Variants in OPN3 observed in about 807,000 individuals in gnomAD.
OPN3 encodes opsin-3.
OPN3 carries 29 observed loss-of-function variants against 33.8 expected under a neutral mutation model. The ratio of observed to expected loss-of-function variants is 0.86; its 90% CI spans 0.64 to 1.17. The LOEUF (loss-of-function observed/expected upper bound fraction) is 1.17, where lower values mean the gene tolerates loss of function less well. OPN3 is among the 50% of genes most tolerant of loss of function. OPN3 has a pLI of 0.00. For synonymous variants in OPN3, 216 were observed against 216.1 expected (o/e 1.00, Z 0.00); for missense variants, 437 against 514.1 (o/e 0.85, Z 1.45).
At chr1:241,638,142 T>C (rs1314127762) in intron 1 of OPN3, among the ~76,000 whole-genome samples, 1 of 152,150 alleles carries the variant, frequency 6.6e-6, no homozygotes, top group South Asian at 2.1e-4. Flanking sequence ...CACCTCTACA[T>C]TAAAAACAGG....
intron 1 of OPN3, among the ~76,000 whole-genome samples, chr1:241,615,460 T>C (rs564704996): frequency 2.6e-5 from 4 of 152,194 alleles, no homozygotes; most frequent in South Asian, 2.1e-4. Flanking sequence ...GAACACATTG[T>C]TTTGCTTAGT....
chr1:241,604,825 G>GT (rs2148001279), intron 1 of OPN3, among the ~76,000 whole-genome samples: 1 of 152,242 alleles, frequency 6.6e-6, no homozygotes, highest in African/African-American at 2.4e-5. Flanking sequence ...GGAGGCTGAG[G>GT]TGGGAGGATT....
chr1:241,625,464 T>C (rs772169304), intron 1 of OPN3, among the ~76,000 whole-genome samples: 1 of 152,240 alleles, frequency 6.6e-6, no homozygotes, highest in African/African-American at 2.4e-5. Flanking sequence ...CTCATTTCTA[T>C]TAATATAATT....
chr1:241,610,662 A>G (rs1663966571), intron 1 of OPN3, among the ~76,000 whole-genome samples: 1 of 152,236 alleles, frequency 6.6e-6, no homozygotes, highest in Admixed American at 6.5e-5. Flanking sequence ...AGACAATAAG[A>G]AAAAAAGATG....
intron 3 of OPN3, chr1:241,595,029 T>C (rs542482062): frequency 2.8e-4 from 56 of 199,490 alleles, no homozygotes; most frequent in South Asian, 9.3e-4. Context: ...GGGCATCTAC[T>C]AGGTGACAGC....
intron 2 of OPN3, among the ~76,000 whole-genome samples, chr1:241,598,522 C>G (rs1444738031): frequency 6.6e-6 from 1 of 152,180 alleles, no homozygotes; most frequent in Admixed American, 6.5e-5. Context: ...CAATTCACTG[C>G]TAATGACTGT....
chr1:241,637,792 C>T (rs977610366), intron 1 of OPN3, among the ~76,000 whole-genome samples: 3 of 152,142 alleles, frequency 2.0e-5, no homozygotes, highest in Non-Finnish European at 4.4e-5. Context: ...ATGCATGAGT[C>T]GCAGGATAAG....
intron 1 of OPN3, among the ~76,000 whole-genome samples, chr1:241,625,452 C>G (rs759848821): frequency 3.3e-5 from 5 of 152,032 alleles, no homozygotes; most frequent in African/African-American, 1.2e-4. Flanking sequence ...GAAAGATTAC[C>G]TCTCATTTCT....
In OPN3 at chr1:241,594,259, G is replaced by T. The variant is rs1663425918; in HGVS notation, c.*169C>A. 3 of 674,214 alleles carry T rather than the reference G, an allele frequency of 4.4e-6. No homozygotes were observed. The highest frequency in any genetic ancestry group is 5.2e-5 in the South Asian group (2 of 38,804). 41.8% of individuals were successfully genotyped at this position (674,214 alleles called of 1,614,324 possible). ...CGTTGAATTAAAAGAATTTGTTTTT[G>T]TTCAACCTCTTCCTGAGGCCCAAGA... On this transcript the variant is annotated 3_prime_UTR_variant, in exon 4 of 4. Transcript: ENST00000366554.
intron 1 of OPN3, among the ~76,000 whole-genome samples, chr1:241,628,523 A>C (rs949389540): frequency 1.3e-5 from 2 of 152,128 alleles, no homozygotes; most frequent in Non-Finnish European, 2.9e-5. Context: ...ACATCTATGA[A>C]TCCAACTTTC....
intron 2 of OPN3, among the ~76,000 whole-genome samples, chr1:241,601,347 G>GTTCTCCT (rs1663671357): frequency 1.4e-5 from 2 of 147,536 alleles, no homozygotes; most frequent in African/African-American, 2.5e-5. Flanking sequence ...ATTTTAAAAA[G>GTTCTCCT]GAGAACTAAG....
At chr1:241,601,959 A>T (rs1663689606) in intron 2 of OPN3, among the ~76,000 whole-genome samples, 1 of 152,218 alleles carries the variant, frequency 6.6e-6, no homozygotes, top group Non-Finnish European at 1.5e-5. Context: ...GTTAAATTTG[A>T]TGAGTCTGTG....
Position 241,640,283 on chromosome 1 carries a change from G to C in OPN3, c.-29C>G. ...CCGGCGCCGGCGCGCCTGGCGGGCG[G>C]AGGCGCTCAGCTTGCGGCGGGGCTC... On this transcript the variant is annotated 5_prime_UTR_variant, in exon 1 of 4. Transcript: ENST00000366554. The C allele has an allele frequency of 1.2e-5, 14 of 1,161,254 alleles. No individual in the cohort carries two copies. The highest frequency in any genetic ancestry group is 1.5e-5 in the Non-Finnish European group (14 of 945,408). 71.9% of individuals were successfully genotyped at this position (1,161,254 alleles called of 1,614,324 possible).
intron 1 of OPN3, 149 bp downstream of exon 1, chr1:241,639,733 A>G (rs1400847315): frequency 4.0e-6 from 3 of 743,170 alleles, no homozygotes; most frequent in Non-Finnish European, 5.6e-6. Flanking sequence ...TGAGGAGGCG[A>G]GCGGGGAGCG....
At chr1:241,594,825 G>C in intron 3 of OPN3, 134 bp from the exon 4 acceptor site, 1 of 945,944 alleles carries the variant, frequency 1.1e-6, no homozygotes, top group Non-Finnish European at 1.6e-6. Flanking sequence ...GGGGTTATGT[G>C]GTCATGCTCA....
At chr1:241,610,299 A>T (rs560040946) in intron 1 of OPN3, among the ~76,000 whole-genome samples, 1 of 152,302 alleles carries the variant, frequency 6.6e-6, no homozygotes, top group East Asian at 1.9e-4. Context: ...GTAAACAAAC[A>T]ATTACAGGAA....
chr1:241,625,311 C>T (rs1361551326), intron 1 of OPN3, among the ~76,000 whole-genome samples: 4 of 152,076 alleles, frequency 2.6e-5, no homozygotes, highest in Non-Finnish European at 4.4e-5. Context: ...TAGGCTTCTC[C>T]GAAGCCATAC....
intron 1 of OPN3, among the ~76,000 whole-genome samples, chr1:241,606,373 G>A (rs1483809977): frequency 6.6e-6 from 1 of 151,938 alleles, no homozygotes; most frequent in East Asian, 1.9e-4. Flanking sequence ...GCGAAACCCT[G>A]TCTCTACTAA....
In OPN3 at chr1:241,639,872, T is replaced by C. The variant is rs1176302901; in HGVS notation, c.373+10A>G. ...CAGAGGGGAGGCTGCCTTCTCCCAG[T>C]CCAACTCACCGAAGAGGCTGCCGCT... On this transcript the variant is annotated intron_variant, in intron 1 of 3. Transcript: ENST00000366554. 2 of 1,547,540 alleles carry C rather than the reference T, an allele frequency of 1.3e-6. No individual in the cohort carries two copies. Among genetic ancestry groups the C allele is most frequent in the Non-Finnish European group, 1.7e-6 (2 of 1,145,904 alleles).
Sources: allele counts gnomAD v4.1 joint callset (sites outside exome capture counted in the v4.1 genomes callset), GRCh38; gene constraint gnomAD v4.1.1; transcripts MANE v1.5; gene names NCBI Gene and HGNC (gene_info 2026-07-23, HGNC 2026-07-21).